WDR7: variants seen among roughly 807,000 people sequenced by gnomAD.
WDR7 encodes the protein WD repeat domain 7.
Under a neutral mutation model 169.4 loss-of-function variants are expected in WDR7, and 46 were observed. The ratio of observed to expected loss-of-function variants is 0.27; its 90% confidence interval spans 0.21 to 0.35. WDR7 has a LOEUF of 0.35. Ranked by LOEUF, WDR7 falls within the 10% of genes least tolerant of loss-of-function variation. The pLI, the probability that WDR7 is intolerant of heterozygous loss-of-function variation, is 1.00. For missense variants in WDR7, 1,534 were observed against 1,859.3 expected, an observed-to-expected ratio of 0.83 and a Z score of 3.22; for synonymous variants, 612 against 666.8, an observed-to-expected ratio of 0.92 and a Z score of 1.27.
At chr18:56,735,302 C>T (rs375623908) in intron 14 of WDR7, among the ~76,000 whole-genome samples, 31 of 152,192 alleles carry the variant, frequency 2.0e-4, no homozygotes, top group East Asian at 1.5e-3. Context: ...GAAACCAAAA[C>T]CCGGCTGAGG....
rs1171238518 is a variant in WDR7, at chr18:56,711,354, TG to T, written c.1579-6606del. On this transcript the variant is annotated intron_variant, in intron 12 of 27. Transcript: ENST00000254442. Reference sequence around the variant, plus strand: ...TATATCTGAAATGTATTTATGATTGTGGGGTGATGTAAGGATAAAAAATATC... The same window carrying T: ...TATATCTGAAATGTATTTATGATTGTGGGTGATGTAAGGATAAAAAATATC... Among the ~76,000 whole-genome samples, 14 of 152,058 alleles carry T rather than the reference TG, an allele frequency of 9.2e-5. 1 individual carries two copies. Among genetic ancestry groups the T allele is most frequent in the Middle Eastern group, 3.2e-3 (1 of 316 alleles).
chr18:56,907,211 G>A lies in WDR7; in HGVS notation c.3527-16711G>A, dbSNP rs921716653. Among the ~76,000 whole-genome samples, 22 of 152,306 alleles carry A rather than the reference G, an allele frequency of 1.4e-4. 2 individuals carry two copies. The South Asian group carries it at 4.3e-3, about 30-fold the overall frequency. On this transcript the variant is annotated intron_variant, in intron 21 of 27. Transcript: ENST00000254442. ...AAACTGAACTGAGACCTTGAAAAAT[G>A]CTTAAAATATGGACGGTGAAGTGTG...
At chr18:56,939,733 A>C (rs1343201113) in intron 25 of WDR7, among the ~76,000 whole-genome samples, 2 of 152,062 alleles carry the variant, frequency 1.3e-5, no homozygotes, top group Admixed American at 6.6e-5. Context: ...TGGAAAGAAA[A>C]TGTTCTTTTC....
rs1269256401 is a variant in WDR7, at chr18:56,653,313, T to A, written c.-20+1737T>A. On this transcript the variant is annotated intron_variant, in intron 1 of 27. Transcript: ENST00000254442. ...CCTCCCCATCCCGGGCTCAAGCGAT[T>A]CTCCTGCCTCAGCCTCCTGACTAGC... is the stretch of plus-strand genomic sequence containing the variant. 2.0e-5 allele frequency among the ~76,000 whole-genome samples: 3 copies of A among 152,230 alleles called. No homozygotes were observed. The East Asian group carries it at 5.8e-4, about 29-fold the overall frequency.
At chr18:56,897,752 T>C (rs1279716819) in intron 21 of WDR7, among the ~76,000 whole-genome samples, 2 of 152,020 alleles carry the variant, frequency 1.3e-5, no homozygotes, top group Admixed American at 1.3e-4. Flanking sequence ...GTATCTAAAA[T>C]AGCAGTGACC....
At chr18:56,902,684 A>G (rs903892480) in intron 21 of WDR7, among the ~76,000 whole-genome samples, 2 of 152,290 alleles carry the variant, frequency 1.3e-5, no homozygotes, top group African/African-American at 2.4e-5. Flanking sequence ...TAAATTTTCA[A>G]CTGTGCTAGG....
At chr18:56,829,953 A>G (rs1418206594) in intron 20 of WDR7, among the ~76,000 whole-genome samples, 1 of 152,234 alleles carries the variant, frequency 6.6e-6, no homozygotes, top group Non-Finnish European at 1.5e-5. Context: ...TTAGAAAATA[A>G]CAACACAGAG....
intron 1 of WDR7, among the ~76,000 whole-genome samples, chr18:56,667,566 G>A (rs2025050516): frequency 6.6e-6 from 1 of 152,140 alleles, no homozygotes; most frequent in Non-Finnish European, 1.5e-5. Context: ...GTTAAGCATA[G>A]AGTAATTTAT....
chr18:56,869,762 A>G (rs2045928966), intron 20 of WDR7, among the ~76,000 whole-genome samples: 1 of 152,224 alleles, frequency 6.6e-6, no homozygotes, highest in South Asian at 2.1e-4. Context: ...GCACAGGTTG[A>G]AATTTACATG....
At chr18:56,705,565 T>G (rs1175062835) in intron 12 of WDR7, among the ~76,000 whole-genome samples, 1 of 152,230 alleles carries the variant, frequency 6.6e-6, no homozygotes, top group African/African-American at 2.4e-5. Flanking sequence ...CTTAGCATTA[T>G]GCATGTTATG....
chr18:56,827,102 C>T (rs1413412546), intron 20 of WDR7, among the ~76,000 whole-genome samples: 2 of 152,160 alleles, frequency 1.3e-5, no homozygotes, highest in African/African-American at 4.8e-5. Context: ...GGAAAAGCTT[C>T]CAAGCTCAAG....
chr18:56,777,206 A>G (rs1049895429), intron 17 of WDR7, among the ~76,000 whole-genome samples: 4 of 152,130 alleles, frequency 2.6e-5, no homozygotes, highest in Non-Finnish European at 5.9e-5. Flanking sequence ...GAGCTAATGA[A>G]TTTATTTTAT....
intron 20 of WDR7, among the ~76,000 whole-genome samples, chr18:56,854,509 G>A (rs377269267): frequency 2.0e-5 from 3 of 152,240 alleles, no homozygotes; most frequent in South Asian, 2.1e-4. Context: ...CGTCCTCCTC[G>A]GCCTTTTATG....
At chr18:56,699,883 A>AC (rs1324791361) in intron 12 of WDR7, 23 of 985,016 alleles carry the variant, frequency 2.3e-5, no homozygotes, top group Non-Finnish European at 2.7e-5. Flanking sequence ...CAGACTCCAG[A>AC]CCCCCTTTTC....
intron 26 of WDR7, among the ~76,000 whole-genome samples, chr18:56,972,462 C>T (rs537122659): frequency 1.3e-5 from 2 of 152,286 alleles, no homozygotes; most frequent in East Asian, 1.9e-4. Context: ...GAATTGACTA[C>T]AGTACTTAGA....
chr18:56,694,860 T>C (rs530708864), intron 10 of WDR7, 90 bp from the exon 11 acceptor site: 3 of 1,537,706 alleles, frequency 2.0e-6, no homozygotes, highest in Non-Finnish European at 2.6e-6. Context: ...TTTTCTTTGA[T>C]TACTGGATCA....
chr18:56,768,978 T>C (rs920090417), intron 16 of WDR7, among the ~76,000 whole-genome samples: 4 of 152,230 alleles, frequency 2.6e-5, no homozygotes, highest in Non-Finnish European at 5.9e-5. Flanking sequence ...CATTGGAAAA[T>C]AGTATCTTCA....
At chr18:56,714,753 CA>C (rs377501465) in intron 12 of WDR7, among the ~76,000 whole-genome samples, 92 of 152,006 alleles carry the variant, frequency 6.1e-4, no homozygotes, top group Non-Finnish European at 1.0e-3. Context: ...TTGTTATTTG[CA>C]AATTTTCATT....
At chr18:56,663,793 A>G (rs1394505789) in intron 1 of WDR7, among the ~76,000 whole-genome samples, 1 of 152,102 alleles carries the variant, frequency 6.6e-6, no homozygotes, top group Admixed American at 6.6e-5. Context: ...GAGATTTTTC[A>G]TAATAAAAAT....
Sources: allele counts gnomAD v4.1 joint callset (sites outside exome capture counted in the v4.1 genomes callset), GRCh38; gene constraint gnomAD v4.1.1; transcripts MANE v1.5; gene names NCBI Gene and HGNC (gene_info 2026-07-23, HGNC 2026-07-21).